The following IQCJ variants were observed in gnomAD, a reference collection of about 807,000 sequenced individuals.
The protein encoded by IQCJ is IQ motif containing J.
In IQCJ, 9 loss-of-function variants were observed where a neutral mutation model predicts 11.0. That is an observed-to-expected ratio of 0.82 (90% CI 0.49 to 1.43). The LOEUF is 1.43. IQCJ is among the 40% of genes most tolerant of loss of function. The probability of loss-of-function intolerance (pLI) is 0.00; values close to 1 mark genes in which losing one functional copy is unlikely to be tolerated. For missense variants in IQCJ, 146 were observed against 133.2 expected, an observed-to-expected ratio of 1.10 and a Z score of -0.47; for synonymous variants, 55 against 51.3, an observed-to-expected ratio of 1.07 and a Z score of -0.31.
rs59109822 is a variant in IQCJ, at chr3:159,084,913, C to CTTT, written c.9+15480_9+15482dup. Among the ~76,000 whole-genome samples the CTTT allele has an allele frequency of 6.0e-5, 9 of 149,008 alleles. No homozygotes were observed. The East Asian group carries it at 1.8e-3, about 29-fold the overall frequency. Reference sequence around the variant, plus strand: ...TGTTATCAAGGGGAATGCATAAGTTCTTTTTTTTTTATTATTATTATACTT... The same window carrying CTTT: ...TGTTATCAAGGGGAATGCATAAGTTCTTTTTTTTTTTTTATTATTATTATACTT... On this transcript the variant is annotated intron_variant, in intron 1 of 3. Coordinates refer to ENST00000397832, the MANE Select transcript of IQCJ (RefSeq NM_001042706.3).
At chr3:159,090,784 T>C (rs1309756847) in intron 1 of IQCJ, among the ~76,000 whole-genome samples, 2 of 151,872 alleles carry the variant, frequency 1.3e-5, no homozygotes, top group Non-Finnish European at 2.9e-5. Flanking sequence ...TTGCCTGACC[T>C]AGACTTGGGC....
chr3:159,088,146 A>T (rs1371492795), intron 1 of IQCJ, among the ~76,000 whole-genome samples: 1 of 152,110 alleles, frequency 6.6e-6, no homozygotes, highest in Non-Finnish European at 1.5e-5. Context: ...TTCAAAGAAC[A>T]TCTTTATTTC....
intron 1 of IQCJ, among the ~76,000 whole-genome samples, chr3:159,153,366 C>A (rs1374201813): frequency 6.6e-6 from 1 of 152,176 alleles, no homozygotes; most frequent in Non-Finnish European, 1.5e-5. Flanking sequence ...CTAATGGATA[C>A]CCACAGCACA....
intron 1 of IQCJ, among the ~76,000 whole-genome samples, chr3:159,142,891 T>C (rs1487329599): frequency 6.6e-6 from 1 of 152,238 alleles, no homozygotes; most frequent in Non-Finnish European, 1.5e-5. Flanking sequence ...GAGGGTGCTA[T>C]AATTGATATA....
At chr3:159,157,333 A>G (rs535069128) in intron 1 of IQCJ, among the ~76,000 whole-genome samples, 16 of 152,340 alleles carry the variant, frequency 1.1e-4, no homozygotes, top group Admixed American at 9.8e-4. Flanking sequence ...GTCTGCTAAA[A>G]TAAATGTATT....
chr3:159,114,929 G>T (rs534322782), intron 1 of IQCJ, among the ~76,000 whole-genome samples: 3 of 150,814 alleles, frequency 2.0e-5, no homozygotes, highest in African/African-American at 7.4e-5. Context: ...CCCTGCCCCC[G>T]GGGCTAGTGA....
intron 1 of IQCJ, among the ~76,000 whole-genome samples, chr3:159,108,764 T>C (rs1278892546): frequency 2.0e-5 from 3 of 152,218 alleles, no homozygotes; most frequent in African/African-American, 7.2e-5. Flanking sequence ...GCCTACCACT[T>C]GGTCACAGTA....
chr3:159,088,349 A>C (rs1716958049), intron 1 of IQCJ, among the ~76,000 whole-genome samples: 1 of 152,084 alleles, frequency 6.6e-6, no homozygotes, highest in Non-Finnish European at 1.5e-5. Context: ...GTATGTGGTC[A>C]ATTTTGGAAT....
chr3:159,134,805 A>G (rs1720195687), intron 1 of IQCJ, among the ~76,000 whole-genome samples: 1 of 152,242 alleles, frequency 6.6e-6, no homozygotes, highest in Non-Finnish European at 1.5e-5. Flanking sequence ...GCTCTTATAT[A>G]GAAATACAAA....
intron 1 of IQCJ, among the ~76,000 whole-genome samples, chr3:159,088,303 T>G (rs1238052331): frequency 2.6e-5 from 4 of 152,154 alleles, no homozygotes; most frequent in African/African-American, 4.8e-5. Context: ...ATAATTTCTG[T>G]TCTTTTACAT....
chr3:159,249,379 G>C (rs1439137696), intron 2 of IQCJ, among the ~76,000 whole-genome samples: 1 of 152,128 alleles, frequency 6.6e-6, no homozygotes, highest in East Asian at 1.9e-4. Context: ...TTCTGGAAAT[G>C]ACCAGTTTGT....
chr3:159,090,813 A>G (rs896344826), intron 1 of IQCJ, among the ~76,000 whole-genome samples: 1 of 151,884 alleles, frequency 6.6e-6, no homozygotes, highest in African/African-American at 2.4e-5. Flanking sequence ...TTTTCTTTTC[A>G]CAAAATTAAT....
In IQCJ at chr3:159,198,820, A is replaced by C. The variant is rs1200346593; in HGVS notation, c.10-47023A>C. On this transcript the variant is annotated intron_variant, in intron 1 of 3. Transcript: ENST00000397832. ...GGGCTTTAAAAGCCAACTGCTTCTG[A>C]ATTTAAGTAAAAAAAGAGAGACTGA... Among the ~76,000 whole-genome samples the C allele has an allele frequency of 2.0e-5, 3 of 152,324 alleles. No homozygotes were observed. The East Asian group carries it at 5.8e-4, about 29-fold the overall frequency.
At chr3:159,236,819 C>A (rs1189013632) in intron 1 of IQCJ, among the ~76,000 whole-genome samples, 1 of 152,092 alleles carries the variant, frequency 6.6e-6, no homozygotes, top group African/African-American at 2.4e-5. Flanking sequence ...ATTAGTAACC[C>A]CTTTTTTAGT....
chr3:159,089,818 C>T (rs1050929989), intron 1 of IQCJ, among the ~76,000 whole-genome samples: 22 of 151,716 alleles, frequency 1.5e-4, no homozygotes, highest in Non-Finnish European at 2.4e-4. Context: ...GTTATACATT[C>T]TTCTAAATTT....
At chr3:159,154,277 C>T (rs1487913688) in intron 1 of IQCJ, among the ~76,000 whole-genome samples, 2 of 152,114 alleles carry the variant, frequency 1.3e-5, no homozygotes, top group Non-Finnish European at 2.9e-5. Context: ...TGGAAATCAG[C>T]ACTGTGGCAC....
chr3:159,160,573 G>A (rs1167789801), intron 1 of IQCJ, among the ~76,000 whole-genome samples: 2 of 151,482 alleles, frequency 1.3e-5, no homozygotes, highest in East Asian at 3.9e-4. Context: ...GGGTACATGT[G>A]CACAATGTGC....
At chr3:159,236,047 C>A (rs1315174853) in intron 1 of IQCJ, among the ~76,000 whole-genome samples, 1 of 152,038 alleles carries the variant, frequency 6.6e-6, no homozygotes, top group Non-Finnish European at 1.5e-5. Context: ...TAGAAACAGG[C>A]AAATATCTTT....
Position 159,167,755 on chromosome 3 carries a change from C to T in IQCJ, c.10-78088C>T, listed in dbSNP as rs146267086. On this transcript the variant is annotated intron_variant, in intron 1 of 3. Coordinates refer to ENST00000397832, the MANE Select transcript of IQCJ (RefSeq NM_001042706.3). ...ATAATCCCTACCTTTATGTATTTTA[C>T]GTCCCAGGTAGCTCATTTGTATCTA... Among the ~76,000 whole-genome samples the T allele has an allele frequency of 5.9e-5, 9 of 152,186 alleles. No individual in the cohort carries two copies. The East Asian group carries it at 7.7e-4, about 13-fold the overall frequency.
Sources: gnomAD v4.1 joint callset for allele counts (sites outside exome capture counted in the v4.1 genomes callset) on GRCh38, gnomAD v4.1.1 for gene constraint, MANE v1.5 for transcripts, NCBI Gene and HGNC (gene_info 2026-07-23, HGNC 2026-07-21) for gene names.